RIT2: variants seen among roughly 807,000 people sequenced by gnomAD.
The protein encoded by RIT2 is GTP-binding protein Rit2.
In RIT2, 24 loss-of-function variants were observed where a neutral mutation model predicts 23.7. That is an observed-to-expected ratio of 1.01 (90% CI 0.73 to 1.43). RIT2 has a LOEUF of 1.43. Ranked by LOEUF, RIT2 falls within the 40% of genes most tolerant of loss-of-function variation. The pLI is 0.00. For missense variants in RIT2, 236 were observed against 266.9 expected (o/e 0.88, Z 0.81); for synonymous variants, 107 against 91.1 (o/e 1.17, Z -0.99).
intron 1 of RIT2, among the ~76,000 whole-genome samples, chr18:43,105,527 GTTT>G (rs1913802750): frequency 1.2e-5 from 1 of 85,180 alleles, no homozygotes; most frequent in Non-Finnish European, 2.5e-5. Context: ...GGAATGAGCA[GTTT>G]TAATGAAGGT....
intron 2 of RIT2, among the ~76,000 whole-genome samples, chr18:43,021,758 G>A (rs1911602948): frequency 6.6e-6 from 1 of 152,006 alleles, no homozygotes; most frequent in Non-Finnish European, 1.5e-5. Context: ...AAAAGCAGAA[G>A]CCACCATGCT....
chr18:42,936,689 CATA>C, intron 3 of RIT2, among the ~76,000 whole-genome samples: 1 of 152,256 alleles, frequency 6.6e-6, no homozygotes, highest in Middle Eastern at 3.4e-3. Flanking sequence ...ACTCCGCCTT[CATA>C]TCACGGTGAG....
intron 1 of RIT2, among the ~76,000 whole-genome samples, chr18:43,108,826 C>T (rs1019911640): frequency 1.3e-5 from 2 of 152,136 alleles, no homozygotes; most frequent in African/African-American, 4.8e-5. Flanking sequence ...GAGGTGGTAA[C>T]AATTAAGGGT....
chr18:43,113,658 G>A (rs996988399), intron 1 of RIT2, among the ~76,000 whole-genome samples: 1 of 152,128 alleles, frequency 6.6e-6, no homozygotes, highest in Non-Finnish European at 1.5e-5. Context: ...TGTTGCTGAA[G>A]GATGTTCCCG....
At chr18:42,847,979 G>C (rs1174159669) in intron 4 of RIT2, among the ~76,000 whole-genome samples, 1 of 150,834 alleles carries the variant, frequency 6.6e-6, no homozygotes, top group East Asian at 1.9e-4. Context: ...TAGACACTGT[G>C]ATAGGCCTCC....
At chr18:43,034,702 G>T (rs1185140066) in intron 1 of RIT2, among the ~76,000 whole-genome samples, 2 of 152,026 alleles carry the variant, frequency 1.3e-5, no homozygotes, top group African/African-American at 4.8e-5. Flanking sequence ...CTCAAACATG[G>T]ACCCTGTCCT....
chr18:42,861,310 C>T (rs1383684333), intron 4 of RIT2, among the ~76,000 whole-genome samples: 1 of 152,140 alleles, frequency 6.6e-6, no homozygotes, highest in Non-Finnish European at 1.5e-5. Context: ...TTTTTCATCC[C>T]TTGCCTGGGT....
intron 3 of RIT2, among the ~76,000 whole-genome samples, chr18:42,967,953 G>A (rs1423676514): frequency 6.6e-6 from 1 of 151,914 alleles, no homozygotes; most frequent in Non-Finnish European, 1.5e-5. Context: ...TAGAAACCCA[G>A]TTTTAGTTCT....
At chr18:42,809,080 G>T (rs1905766981) in intron 4 of RIT2, among the ~76,000 whole-genome samples, 1 of 152,106 alleles carries the variant, frequency 6.6e-6, no homozygotes, top group African/African-American at 2.4e-5. Flanking sequence ...AAAACAAAAT[G>T]TAAAGGTCAT....
At chr18:42,945,568 G>A in intron 3 of RIT2, among the ~76,000 whole-genome samples, 1 of 152,104 alleles carries the variant, frequency 6.6e-6, no homozygotes, top group East Asian at 1.9e-4. Flanking sequence ...GTTGTTGAGT[G>A]TTTACCCATG....
At chr18:43,026,660 A>T (rs1431764468) in intron 2 of RIT2, among the ~76,000 whole-genome samples, 2 of 150,884 alleles carry the variant, frequency 1.3e-5, no homozygotes, top group East Asian at 3.9e-4. Flanking sequence ...AAGGCTGTAG[A>T]TGAAAAAGTT....
At chr18:42,925,592 C>T (rs1405520983) in intron 3 of RIT2, among the ~76,000 whole-genome samples, 1 of 151,778 alleles carries the variant, frequency 6.6e-6, no homozygotes, top group Non-Finnish European at 1.5e-5. Context: ...TTTTGATTTT[C>T]AATCGTCTAG....
At chr18:42,824,883 A>G (rs1165816044) in intron 4 of RIT2, among the ~76,000 whole-genome samples, 3 of 151,934 alleles carry the variant, frequency 2.0e-5, no homozygotes, top group Admixed American at 1.3e-4. Flanking sequence ...AATTTCAGCA[A>G]GTTATTCTAT....
chr18:43,005,257 T>G (rs1232466525), intron 2 of RIT2, among the ~76,000 whole-genome samples: 1 of 151,834 alleles, frequency 6.6e-6, no homozygotes, highest in Non-Finnish European at 1.5e-5. Context: ...TATTGTAAAC[T>G]AGATAGTTAT....
intron 4 of RIT2, among the ~76,000 whole-genome samples, chr18:42,769,843 TATAATA>T (rs149525390): frequency 0.033 from 4,709 of 141,428 alleles, 216 homozygotes; most frequent in African/African-American, 0.099. Flanking sequence ...AAACTTAAAG[TATAATA>T]ATAATAATAA....
At chr18:43,088,302 A>G (rs4273131) in intron 1 of RIT2, among the ~76,000 whole-genome samples, 100,008 of 152,070 alleles carry the variant, frequency 0.66, 34,103 homozygotes, top group East Asian at 0.81. Context: ...GTAAGAAACA[A>G]TGAAGCCAAA....
intron 1 of RIT2, among the ~76,000 whole-genome samples, chr18:43,041,658 G>A (rs1374243207): frequency 6.6e-6 from 1 of 152,078 alleles, no homozygotes; most frequent in Non-Finnish European, 1.5e-5. Context: ...CACATTTTGT[G>A]TGGACGTCTT....
chr18:42,844,679 G>A (rs146305455), intron 4 of RIT2, among the ~76,000 whole-genome samples: 1 of 152,186 alleles, frequency 6.6e-6, no homozygotes, highest in African/African-American at 2.4e-5. Flanking sequence ...GGGGCGGGCA[G>A]TATGTAGTTT....
chr18:43,066,822 G>A (rs1025131272), intron 1 of RIT2, among the ~76,000 whole-genome samples: 2 of 151,770 alleles, frequency 1.3e-5, no homozygotes, highest in African/African-American at 4.8e-5. Flanking sequence ...TTTTAAAGAA[G>A]AAAGGACAGC....
Sources: allele counts gnomAD v4.1 joint callset (sites outside exome capture counted in the v4.1 genomes callset), GRCh38; gene constraint gnomAD v4.1.1; transcripts MANE v1.5; gene names NCBI Gene and HGNC (gene_info 2026-07-23, HGNC 2026-07-21).